ST8SIA6: variants seen among roughly 807,000 people sequenced by gnomAD.
ST8SIA6 encodes ST8 alpha-N-acetyl-neuraminide alpha-2,8-sialyltransferase 6.
Under a neutral mutation model 33.6 loss-of-function variants are expected in ST8SIA6, and 39 were observed. The ratio of observed to expected loss-of-function variants is 1.16; its 90% confidence interval spans 0.90 to 1.52. The LOEUF (loss-of-function observed/expected upper bound fraction) is 1.52. Ranked by LOEUF, ST8SIA6 falls within the 40% of genes most tolerant of loss-of-function variation. ST8SIA6 has a pLI of 0.00. For missense variants in ST8SIA6, 441 were observed against 443.8 expected (o/e 0.99, Z 0.06); for synonymous variants, 172 against 167.2 (o/e 1.03, Z -0.22).
chr10:17,337,212 G>A (rs966327288), intron 4 of ST8SIA6, among the ~76,000 whole-genome samples: 1 of 152,096 alleles, frequency 6.6e-6, no homozygotes, highest in African/African-American at 2.4e-5. Context: ...ATGATTATAA[G>A]TTTCCTGAGG....
intron 2 of ST8SIA6, among the ~76,000 whole-genome samples, chr10:17,411,950 C>T (rs10904952): frequency 0.2 from 30,933 of 151,580 alleles, 4,140 homozygotes; most frequent in East Asian, 0.57. Flanking sequence ...TCACTCCTAA[C>T]TCAGTTGCCT....
At chr10:17,399,864 G>A (rs563863423) in intron 2 of ST8SIA6, among the ~76,000 whole-genome samples, 2 of 150,876 alleles carry the variant, frequency 1.3e-5, no homozygotes, top group East Asian at 2.0e-4. Flanking sequence ...ACTGCAGTAC[G>A]CTTTGATTGC....
rs185648929 is a variant in ST8SIA6 at position 17,327,898 on chromosome 10, C to G, written c.523-772G>C. On this transcript the variant is annotated intron_variant, in intron 5 of 7. Coordinates refer to ENST00000377602, the MANE Select transcript of ST8SIA6 (RefSeq NM_001004470.3). ...CTCCAGCCTGGGCGACAGAGCAAGA[C>G]TCTGTTTCTTAAATTTTAAAAAATG... Among the ~76,000 whole-genome samples the G allele has an allele frequency of 1.6e-3, 240 of 151,936 alleles. 2 individuals are homozygous for G. The highest frequency in any genetic ancestry group is 5.5e-3 in the African/African-American group (229 of 41,474).
intron 3 of ST8SIA6, among the ~76,000 whole-genome samples, chr10:17,387,914 A>G (rs1464764746): frequency 6.6e-6 from 1 of 152,252 alleles, no homozygotes; most frequent in Non-Finnish European, 1.5e-5. Flanking sequence ...AGGGCCGTCT[A>G]GGACAGCTGT....
chr10:17,393,137 G>A (rs545250804), intron 2 of ST8SIA6, among the ~76,000 whole-genome samples: 29 of 152,214 alleles, frequency 1.9e-4, no homozygotes, highest in Admixed American at 4.6e-4. Context: ...TTGGACATCG[G>A]TGCTCCTGGT....
chr10:17,337,338 T>C (rs1848537848), intron 4 of ST8SIA6, among the ~76,000 whole-genome samples: 1 of 152,208 alleles, frequency 6.6e-6, no homozygotes, highest in Non-Finnish European at 1.5e-5. Context: ...AACAGACTAA[T>C]ACACCTTGTG....
intron 2 of ST8SIA6, among the ~76,000 whole-genome samples, chr10:17,442,158 C>T (rs1470230585): frequency 6.6e-6 from 1 of 152,250 alleles, no homozygotes; most frequent in African/African-American, 2.4e-5. Flanking sequence ...TGGGCCACTG[C>T]ACTCGGCCAA....
chr10:17,440,648 C>T (rs1431242399), intron 2 of ST8SIA6, among the ~76,000 whole-genome samples: 1 of 152,200 alleles, frequency 6.6e-6, no homozygotes, highest in Non-Finnish European at 1.5e-5. Flanking sequence ...TTCTTATCCT[C>T]CTCTAACCCT....
intron 2 of ST8SIA6, among the ~76,000 whole-genome samples, chr10:17,410,915 G>A (rs1474975923): frequency 1.3e-5 from 2 of 152,058 alleles, no homozygotes; most frequent in Non-Finnish European, 2.9e-5. Context: ...TGAGAGAATT[G>A]GCTAACCAAA....
In ST8SIA6 at chr10:17,454,547, G is replaced by A. The variant is rs1359098465; in HGVS notation, c.-292C>T. ...GCCGAGCTCGCCGCCTGTCCTCCCG[G>A]AGGCGCTCGGAGCTGCTGCGGGCTC... On this transcript the variant is annotated 5_prime_UTR_variant, in exon 1 of 8. Transcript: ENST00000377602. This position sits in a 1 kb window ranked among gnomAD's most constrained non-coding sequence, Gnocchi z 4.1. Among the ~76,000 whole-genome samples, 1 of 151,906 alleles carries A rather than the reference G, an allele frequency of 6.6e-6. No homozygotes were observed. The highest frequency in any genetic ancestry group is 1.9e-4 in the East Asian group (1 of 5,164).
intron 6 of ST8SIA6, among the ~76,000 whole-genome samples, chr10:17,324,156 C>T (rs113116230): frequency 6.6e-6 from 1 of 152,084 alleles, no homozygotes; most frequent in Non-Finnish European, 1.5e-5. Flanking sequence ...TTCTAAATAT[C>T]ATTTACTGAA....
intron 4 of ST8SIA6, among the ~76,000 whole-genome samples, chr10:17,334,368 T>C (rs1848435302): frequency 1.3e-5 from 2 of 151,394 alleles, no homozygotes; most frequent in Admixed American, 6.6e-5. Flanking sequence ...TGAAACCCCA[T>C]TTCTACTAAA....
chr10:17,338,779 A>G lies in ST8SIA6; in HGVS notation c.378-7227T>C, dbSNP rs372768061. On this transcript the variant is annotated intron_variant, in intron 4 of 7. Transcript: ENST00000377602. ...AAGCCTCTGGCTTGCTGCGAGTCTA[A>G]CTCTTGCTGCGTTCTACCTTCAGCA... Among the ~76,000 whole-genome samples the G allele has an allele frequency of 2.5e-4, 38 of 152,256 alleles. No homozygotes were observed. In the East Asian group the frequency reaches 3.1e-3, roughly 12 times the overall value.
At chr10:17,453,037 G>GA (rs112644291) in intron 2 of ST8SIA6, among the ~76,000 whole-genome samples, 17,698 of 146,362 alleles carry the variant, frequency 0.12, 2,638 homozygotes, top group African/African-American at 0.36. Context: ...TTTACAATCT[G>GA]AAAAAAAAAC....
chr10:17,352,672 C>G (rs1047997038), intron 4 of ST8SIA6, among the ~76,000 whole-genome samples: 1 of 152,244 alleles, frequency 6.6e-6, no homozygotes. Flanking sequence ...CACGTGAGTT[C>G]CATATACTTT....
intron 7 of ST8SIA6, among the ~76,000 whole-genome samples, chr10:17,322,094 CAGAGAG>C (rs10544183): frequency 0.011 from 1,516 of 134,288 alleles, 12 homozygotes; most frequent in South Asian, 0.034. Context: ...CAAAGAGAGA[CAGAGAG>C]AGAGAGAGAG....
chr10:17,395,707 AC>A (rs1483675905), intron 2 of ST8SIA6, among the ~76,000 whole-genome samples: 1 of 152,114 alleles, frequency 6.6e-6, no homozygotes, highest in East Asian at 1.9e-4. Flanking sequence ...ACATGGAGAA[AC>A]CCCATCTCTA....
intron 5 of ST8SIA6, among the ~76,000 whole-genome samples, chr10:17,328,980 G>A (rs1848217949): frequency 6.6e-6 from 1 of 152,130 alleles, no homozygotes; most frequent in Non-Finnish European, 1.5e-5. Context: ...CCTTGTCAAA[G>A]TCAGTTTACC....
At chr10:17,406,322 G>A (rs1404824237) in intron 2 of ST8SIA6, among the ~76,000 whole-genome samples, 1 of 152,126 alleles carries the variant, frequency 6.6e-6, no homozygotes, top group East Asian at 1.9e-4. Flanking sequence ...TTCTGCCAGT[G>A]GACTTCACTC....
Sources: allele counts gnomAD v4.1 joint callset (sites outside exome capture counted in the v4.1 genomes callset), GRCh38; gene constraint gnomAD v4.1.1; non-coding constraint Gnocchi (gnomAD v3.1); transcripts MANE v1.5; gene names NCBI Gene and HGNC (gene_info 2026-07-23, HGNC 2026-07-21).